The following RGS22 variants were observed in gnomAD, a reference collection of about 807,000 sequenced individuals.
RGS22 encodes regulator of G protein signaling 22, also known as regulator of G-protein signaling 22.
RGS22 carries 148 observed loss-of-function variants against 172.9 expected under a neutral mutation model. That is an observed-to-expected ratio of 0.86 (90% CI 0.75 to 0.98). The LOEUF (loss-of-function observed/expected upper bound fraction) is 0.98. Among genes scored for constraint, RGS22 ranks in the 50% least tolerant of loss-of-function variants. The pLI, the probability that RGS22 is intolerant of heterozygous loss-of-function variation, is 0.00. For synonymous variants in RGS22, 458 were observed against 480.2 expected (o/e 0.95, Z 0.60); for missense variants, 1,347 against 1,440.8 (o/e 0.93, Z 1.05).
At chr8:99,987,408 T>G (rs368253961) in intron 21 of RGS22, 50 bp downstream of exon 21, 13 of 1,387,196 alleles carry the variant, frequency 9.4e-6, no homozygotes, top group African/African-American at 1.4e-5. Context: ...GACATTTTAA[T>G]GCATTTCCTC....
intron 22 of RGS22, among the ~76,000 whole-genome samples, chr8:99,979,325 C>A (rs1812303069): frequency 6.6e-6 from 1 of 152,022 alleles, no homozygotes; most frequent in Non-Finnish European, 1.5e-5. Context: ...GTAAAAGTCA[C>A]CCAATTAAGA....
intron 1 of RGS22, 181 bp from the exon 2 acceptor site, chr8:100,105,583 G>A (rs1190309486): frequency 1.8e-5 from 11 of 624,750 alleles, no homozygotes; most frequent in Non-Finnish European, 3.1e-5. Context: ...GTGGAAGTGG[G>A]AAGGAAAGGC....
chr8:100,039,902 A>G, intron 13 of RGS22, 60 bp downstream of exon 13: 1 of 1,037,584 alleles, frequency 9.6e-7, no homozygotes, highest in East Asian at 3.1e-5. Context: ...AATTATTTTG[A>G]TGTCTCATTT....
intron 14 of RGS22, among the ~76,000 whole-genome samples, chr8:100,033,991 A>C (rs1325567724): frequency 6.6e-6 from 1 of 152,206 alleles, no homozygotes; most frequent in African/African-American, 2.4e-5. Context: ...ATTTATGACA[A>C]ACCCACAGCC....
chr8:100,081,771 C>G (rs1343098985), intron 3 of RGS22, among the ~76,000 whole-genome samples: 2 of 152,060 alleles, frequency 1.3e-5, no homozygotes, highest in Non-Finnish European at 2.9e-5. Flanking sequence ...ATTAATTAAA[C>G]TTGGTAGAGA....
Position 100,041,785 on chromosome 8 carries a change from GT to G in RGS22, c.1938+16del. The G allele has an allele frequency of 7.4e-7, 1 of 1,356,822 alleles. No individual in the cohort carries two copies. The highest frequency in any genetic ancestry group is 1.1e-6 in the Non-Finnish European group (1 of 950,036). 84.0% of individuals were successfully genotyped at this position (1,356,822 alleles called of 1,614,324 possible). On this transcript the variant is annotated intron_variant, in intron 12 of 27. Transcript: ENST00000360863. Reference sequence around the variant, plus strand: ...TTAAATGAAGAATCAGGTTTATTCAGTCCTCAAAACACTCACCCTAGGTTCT... The same window carrying G: ...TTAAATGAAGAATCAGGTTTATTCAGCCTCAAAACACTCACCCTAGGTTCT...
intron 22 of RGS22, among the ~76,000 whole-genome samples, chr8:99,980,250 A>G (rs1812408877): frequency 6.6e-6 from 1 of 152,134 alleles, no homozygotes; most frequent in African/African-American, 2.4e-5. Context: ...GAAATATTTT[A>G]AGCAGAGAAG....
At chr8:99,994,588 C>T (rs1422314526) in intron 20 of RGS22, among the ~76,000 whole-genome samples, 1 of 152,114 alleles carries the variant, frequency 6.6e-6, no homozygotes, top group Non-Finnish European at 1.5e-5. Flanking sequence ...AGGAGAAATA[C>T]AAACCACTGC....
chr8:99,978,056 A>G lies in RGS22; in HGVS notation c.3380T>C (p.Leu1127Pro). The G allele has an allele frequency of 6.6e-7, 1 of 1,518,918 alleles. No homozygotes were observed. The highest frequency in any genetic ancestry group is 8.7e-7 in the Non-Finnish European group (1 of 1,144,978). The allele number at this position is 1,518,918 out of a possible 1,614,324, so 94.1% of individuals were successfully genotyped here. The change falls in exon 23 of 28, where the codon CTG (leucine) becomes CCG (proline). Residue 1127 changes from leucine (L) to proline (P), a missense_variant. By Grantham distance (98) the Leu-to-Pro change is moderately conservative. Transcript: ENST00000360863. ...REAQMTIFGV[L>P]FKFWPQFCEF... is the part of the protein sequence containing the mutation. ...ACAGAACTGAGGCCAGAATTTAAAC[A>G]GAACCCCAAAAATTGTCATCTGTAT...
chr8:100,067,620 C>CT (rs1810625029), intron 6 of RGS22, among the ~76,000 whole-genome samples: 1 of 141,340 alleles, frequency 7.1e-6, no homozygotes, highest in African/African-American at 2.9e-5. Flanking sequence ...CCACTTTATA[C>CT]ATTTTTTTTT....
At chr8:100,052,771 G>A in intron 10 of RGS22, 31 bp downstream of exon 10, 2 of 1,593,908 alleles carry the variant, frequency 1.3e-6, no homozygotes, top group Non-Finnish European at 1.7e-6. Flanking sequence ...TACAAACTTA[G>A]TAGAGATCAC....
At chr8:100,055,279 T>G (rs1822125372) in intron 9 of RGS22, among the ~76,000 whole-genome samples, 1 of 152,180 alleles carries the variant, frequency 6.6e-6, no homozygotes, top group Admixed American at 6.5e-5. Context: ...CAGCTTTAGG[T>G]GGCTCAGAAC....
intron 3 of RGS22, among the ~76,000 whole-genome samples, chr8:100,084,755 T>C (rs1177275755): frequency 2.0e-5 from 3 of 152,186 alleles, no homozygotes; most frequent in Non-Finnish European, 4.4e-5. Flanking sequence ...TAGCAAAATG[T>C]TTGAATTACC....
chr8:100,039,265 AATG>A lies in RGS22; in HGVS notation c.2065-236_2065-234del, dbSNP rs772477157. Among the ~76,000 whole-genome samples the A allele has an allele frequency of 7.3e-3, 1,106 of 152,300 alleles. 7 individuals carry two copies. Among genetic ancestry groups the A allele is most frequent in the Admixed American group, 0.018 (273 of 15,286 alleles). On this transcript the variant is annotated intron_variant, in intron 13 of 27. Transcript: ENST00000360863. ...TGCCTCTCACATAATTAGTCATTAA[AATG>A]GTAAGTATTCTAGTTAACAGTTAAA...
At position 100,025,943 on chromosome 8, in the gene RGS22, C is replaced by G. The variant is rs551193060; in HGVS notation, c.2166+12988G>C. 6.1e-4 allele frequency among the ~76,000 whole-genome samples: 92 copies of G among 151,794 alleles called. No individual in the cohort carries two copies. The Middle Eastern group carries it at 0.01, about 17-fold the overall frequency. Reference sequence around the variant, plus strand: ...GGCAAAAGAAAGCACATTCTTGACCCTTGATAGAAAGAATGCTTGGGGAGC... The same window carrying G: ...GGCAAAAGAAAGCACATTCTTGACCGTTGATAGAAAGAATGCTTGGGGAGC... On this transcript the variant is annotated intron_variant, in intron 14 of 27. Coordinates refer to ENST00000360863, the MANE Select transcript of RGS22 (RefSeq NM_015668.5).
At chr8:100,081,043 G>A (rs373186214) in intron 3 of RGS22, among the ~76,000 whole-genome samples, 25 of 152,210 alleles carry the variant, frequency 1.6e-4, no homozygotes, top group African/African-American at 4.8e-4. Flanking sequence ...CTCCACTTCC[G>A]TAAGAAGTAA....
At chr8:100,094,807 A>G (rs1812839600) in intron 2 of RGS22, among the ~76,000 whole-genome samples, 1 of 152,198 alleles carries the variant, frequency 6.6e-6, no homozygotes, top group Non-Finnish European at 1.5e-5. Flanking sequence ...TTAGTGGACT[A>G]TCTAGTTTTT....
Position 100,004,137 on chromosome 8 carries a change from A to G in RGS22, c.2455-39T>C, listed in dbSNP as rs540581995. 7 of 1,534,578 alleles carry G rather than the reference A, an allele frequency of 4.6e-6. No homozygotes were observed. The East Asian group carries it at 1.6e-4, about 36-fold the overall frequency. On this transcript the variant is annotated intron_variant, in intron 16 of 27. Transcript: ENST00000360863. ...ACTTTTCAGCAAAAATCTCTTAAAC[A>G]CAACAGATTGTTTACAATTTTAAGT...
chr8:100,004,216 T>C (rs892123382), intron 16 of RGS22, 118 bp from the exon 17 acceptor site: 10 of 1,242,614 alleles, frequency 8.0e-6, no homozygotes, highest in African/African-American at 7.7e-5. Context: ...AATAATTCAA[T>C]GGCAGAGTGG....
Sources: allele counts gnomAD v4.1 joint callset (sites outside exome capture counted in the v4.1 genomes callset), GRCh38; gene constraint gnomAD v4.1.1; transcripts MANE v1.5; gene names NCBI Gene and HGNC (gene_info 2026-07-23, HGNC 2026-07-21).